The following ASAP2 variants were observed in gnomAD, a reference collection of about 807,000 sequenced individuals.
ASAP2 encodes ArfGAP with SH3 domain, ankyrin repeat and PH domain 2.
Under a neutral mutation model 131.4 loss-of-function variants are expected in ASAP2, and 45 were observed. That is an observed-to-expected ratio of 0.34 (90% CI 0.27 to 0.44). The LOEUF (loss-of-function observed/expected upper bound fraction) is 0.44, where lower values mean the gene tolerates loss of function less well. Among genes scored for constraint, ASAP2 ranks in the 20% least tolerant of loss-of-function variants. The pLI is 1.00. For missense variants in ASAP2, 1,011 were observed against 1,297.0 expected, an observed-to-expected ratio of 0.78 and a Z score of 3.39; for synonymous variants, 510 against 503.0, an observed-to-expected ratio of 1.01 and a Z score of -0.19.
At position 9,281,751 on chromosome 2, in the gene ASAP2, G is replaced by T. The variant is rs1667140608; in HGVS notation, c.199+2362G>T. 6.6e-6 allele frequency among the ~76,000 whole-genome samples: 1 copy of T among 152,156 alleles called. No individual in the cohort carries two copies. The highest frequency in any genetic ancestry group is 2.1e-4 in the South Asian group (1 of 4,822). On this transcript the variant is annotated intron_variant, in intron 2 of 27. Transcript: ENST00000281419. The surrounding 1 kb of genome is among the most constrained non-coding windows in gnomAD (Gnocchi z 4.0). ...AAGATTTTAATGTGCTAGTAATGTG[G>T]ATTGTGAGTGGTTATCGTTCTTAAC...
chr2:9,393,485 C>G lies in ASAP2; in HGVS notation c.2522C>G (p.Pro841Arg), dbSNP rs745444278. 1.2e-6 allele frequency: 2 copies of G among 1,605,532 alleles called. No homozygotes were observed. Among genetic ancestry groups the G allele is most frequent in the East Asian group, 4.5e-5 (2 of 44,504 alleles). Residue 841 changes from proline (P) to arginine (R), a missense_variant, in exon 24 of 28, where the codon CCC becomes CGC. Around this residue, in one of 2 missense-constraint regions of ASAP2, gnomAD observed 652 missense variants for 698.9 expected, o/e 0.93. Coordinates refer to ENST00000281419, the MANE Select transcript of ASAP2 (RefSeq NM_003887.3). ...CGTCTCTCCCTGTCCTCCGCAGATC[C>G]CCTGACCCCCACGCCGCCCCCACCC... ...LPPLRVTSTN[P>R]LTPTPPPPVA...
chr2:9,224,516 T>G (rs1273088296), intron 1 of ASAP2, among the ~76,000 whole-genome samples: 2 of 152,244 alleles, frequency 1.3e-5, no homozygotes, highest in African/African-American at 4.8e-5. Context: ...AAATCCATTT[T>G]GGTTTGCAAA....
intron 1 of ASAP2, among the ~76,000 whole-genome samples, chr2:9,259,583 C>G (rs1002502648): frequency 6.6e-6 from 1 of 152,190 alleles, no homozygotes; most frequent in Non-Finnish European, 1.5e-5. Context: ...CAAAAATGAA[C>G]AGCACCATCT....
chr2:9,372,544 C>G (rs909343485), intron 16 of ASAP2, among the ~76,000 whole-genome samples: 1 of 152,160 alleles, frequency 6.6e-6, no homozygotes, highest in African/African-American at 2.4e-5. Flanking sequence ...TATTTCTGAT[C>G]ATGAGAACAT....
chr2:9,384,674 G>A lies in ASAP2; in HGVS notation c.2017-571G>A, dbSNP rs1675121875. On this transcript the variant is annotated intron_variant, in intron 20 of 27. Transcript: ENST00000281419. ...TTGCAAAGCATACAGATAGAGAGGTGCGTAGGGCAAGGTGTGGGGGAGGGG... is the reference window on the plus strand; with the variant it reads ...TTGCAAAGCATACAGATAGAGAGGTACGTAGGGCAAGGTGTGGGGGAGGGG... Among the ~76,000 whole-genome samples, 5 of 152,248 alleles carry A rather than the reference G, an allele frequency of 3.3e-5. No homozygotes were observed. The South Asian group carries it at 1.0e-3, about 31-fold the overall frequency.
intron 16 of ASAP2, among the ~76,000 whole-genome samples, chr2:9,373,972 G>C (rs190822381): frequency 6.6e-6 from 1 of 152,228 alleles, no homozygotes; most frequent in East Asian, 1.9e-4. Flanking sequence ...ACGCACATAC[G>C]TCTCATGGTG....
At chr2:9,317,326 CAT>C (rs1271758995) in intron 3 of ASAP2, among the ~76,000 whole-genome samples, 6 of 34,680 alleles carry the variant, frequency 1.7e-4, no homozygotes, top group East Asian at 9.4e-4. Context: ...CTCACACAAT[CAT>C]ATCTTCACTC....
intron 1 of ASAP2, among the ~76,000 whole-genome samples, chr2:9,224,992 C>T (rs969991823): frequency 3.3e-5 from 5 of 152,142 alleles, no homozygotes; most frequent in Non-Finnish European, 4.4e-5. Flanking sequence ...AGTCAAGGTG[C>T]GTAAGTTGGA....
intron 15 of ASAP2, 80 bp from the exon 16 acceptor site, chr2:9,368,345 C>A: frequency 1.6e-6 from 2 of 1,283,518 alleles, no homozygotes; most frequent in East Asian, 2.3e-5. Flanking sequence ...TTAAATAAAT[C>A]ATCAGATGGG....
intron 2 of ASAP2, among the ~76,000 whole-genome samples, chr2:9,294,349 G>T (rs1052776226): frequency 2.6e-4 from 39 of 152,196 alleles, no homozygotes; most frequent in African/African-American, 9.1e-4. Context: ...GTAGTCAGTT[G>T]AGGAGCCCAG....
At chr2:9,369,401 T>C (rs995205205) in intron 16 of ASAP2, among the ~76,000 whole-genome samples, 1 of 152,208 alleles carries the variant, frequency 6.6e-6, no homozygotes, top group African/African-American at 2.4e-5. Context: ...TCAGTGGCCA[T>C]GTCACACTAG....
intron 12 of ASAP2, among the ~76,000 whole-genome samples, chr2:9,355,197 A>G (rs544438021): frequency 6.6e-6 from 1 of 152,144 alleles, no homozygotes; most frequent in Non-Finnish European, 1.5e-5. Flanking sequence ...TTTTCCCCCA[A>G]ATGTCCTTTT....
rs757499704 is a variant in ASAP2 at position 9,323,152 on chromosome 2, G to A, written c.502G>A (p.Ala168Thr). 1.9e-6 allele frequency: 3 copies of A among 1,614,094 alleles called. No individual in the cohort carries two copies. The highest frequency in any genetic ancestry group is 1.1e-5 in the South Asian group (1 of 91,084). ...GATAGAAAAGGAGAAAAAGGAACACGCCAAGCTCCATGGGATGATTCGGAC... is the reference window on the plus strand; with the variant it reads ...GATAGAAAAGGAGAAAAAGGAACACACCAAGCTCCATGGGATGATTCGGAC... ...TKIEKEKKEH[A>T]KLHGMIRTEI... Residue 168 changes from alanine to threonine, a missense_variant, in exon 6 of 28, where the codon GCC (alanine) becomes ACC (threonine). Transcript: ENST00000281419.
intron 1 of ASAP2, among the ~76,000 whole-genome samples, chr2:9,231,061 C>T (rs1663127098): frequency 6.6e-6 from 1 of 152,196 alleles, no homozygotes; most frequent in African/African-American, 2.4e-5. Flanking sequence ...CTATGTCGGT[C>T]ACTTTCCCCA....
chr2:9,304,938 G>A (rs1311951529), intron 3 of ASAP2, among the ~76,000 whole-genome samples: 3 of 150,214 alleles, frequency 2.0e-5, no homozygotes, highest in African/African-American at 7.4e-5. Flanking sequence ...GAGTAGTGAG[G>A]TATAGATATT....
At chr2:9,253,748 C>A (rs184283997) in intron 1 of ASAP2, among the ~76,000 whole-genome samples, 1 of 152,226 alleles carries the variant, frequency 6.6e-6, no homozygotes, top group Non-Finnish European at 1.5e-5. Flanking sequence ...TAGACCACTC[C>A]TTTGCATTGC....
Position 9,393,468 on chromosome 2 carries a change from C to T in ASAP2, c.2519-14C>T, listed in dbSNP as rs750633413. ...GCGGCTGACCCTCTGCACGTCTCTC[C>T]CTGTCCTCCGCAGATCCCCTGACCC... is the stretch of plus-strand genomic sequence containing the variant. On this transcript the variant is annotated splice_polypyrimidine_tract_variant and intron_variant, in intron 23 of 27. Transcript: ENST00000281419. 241 of 1,599,180 alleles carry T rather than the reference C, an allele frequency of 1.5e-4. 1 individual carries two copies. Among genetic ancestry groups the T allele is most frequent in the Non-Finnish European group, 2.0e-4 (237 of 1,172,894 alleles).
chr2:9,368,753 C>T (rs1420287976), intron 16 of ASAP2, among the ~76,000 whole-genome samples: 2 of 152,008 alleles, frequency 1.3e-5, no homozygotes, highest in Admixed American at 6.6e-5. Context: ...GTGTGTGCAG[C>T]GGGTATGTAG....
chr2:9,297,905 A>G (rs1376811846), intron 3 of ASAP2, among the ~76,000 whole-genome samples: 1 of 152,162 alleles, frequency 6.6e-6, no homozygotes. Context: ...CCAAGTGTAG[A>G]ACCTAAAAAA....
Sources: gnomAD v4.1 joint callset for allele counts (sites outside exome capture counted in the v4.1 genomes callset) on GRCh38, gnomAD v4.1.1 for gene constraint, gnomAD v4.1.1 regional missense constraint, Gnocchi (gnomAD v3.1) non-coding constraint, MANE v1.5 for transcripts, NCBI Gene and HGNC (gene_info 2026-07-23, HGNC 2026-07-21) for gene names.